PTPRG: variants seen among roughly 807,000 people sequenced by gnomAD.
PTPRG encodes the protein receptor-type tyrosine-protein phosphatase gamma.
In PTPRG, 102 loss-of-function variants were observed where a neutral mutation model predicts 165.3. That is an observed-to-expected ratio of 0.62 (90% CI 0.53 to 0.73). The LOEUF (loss-of-function observed/expected upper bound fraction) is 0.73. Ranked by LOEUF, PTPRG falls within the 30% of genes least tolerant of loss-of-function variation. The pLI is 0.00. For missense variants in PTPRG, 1,866 were observed against 1,861.4 expected (o/e 1.00, Z -0.05); for synonymous variants, 675 against 669.5 (o/e 1.01, Z -0.13).
Position 61,758,012 on chromosome 3 carries a change from T to C in PTPRG, c.190+9030T>C, listed in dbSNP as rs561719099. 4.5e-4 allele frequency among the ~76,000 whole-genome samples: 69 copies of C among 152,294 alleles called. 1 individual carries two copies. Among genetic ancestry groups the C allele is most frequent in the East Asian group, 2.9e-3 (15 of 5,184 alleles). On this transcript the variant is annotated intron_variant, in intron 2 of 29. Transcript: ENST00000474889. ...TTTCCTTTCTAACCTAACAAAACGT[T>C]CTCTTTCATTACATCTGATTTGATT...
intron 1 of PTPRG, among the ~76,000 whole-genome samples, chr3:61,626,478 T>C (rs949430940): frequency 1.4e-4 from 21 of 152,314 alleles, no homozygotes; most frequent in Non-Finnish European, 2.2e-4. Flanking sequence ...GTAGGTGACT[T>C]GAATGTTGTC....
At chr3:62,291,366 G>A (rs1309594639) in intron 28 of PTPRG, among the ~76,000 whole-genome samples, 1 of 152,046 alleles carries the variant, frequency 6.6e-6, no homozygotes, top group African/African-American at 2.4e-5. Flanking sequence ...ATGCTAAAGT[G>A]CACAAATTCA....
At chr3:61,791,610 C>CGAGG (rs2034874818) in intron 2 of PTPRG, among the ~76,000 whole-genome samples, 1 of 152,154 alleles carries the variant, frequency 6.6e-6, no homozygotes, top group Non-Finnish European at 1.5e-5. Flanking sequence ...GCCTCAGCCT[C>CGAGG]CTGAGTAGCT....
chr3:62,283,140 C>A (rs1057413494), intron 28 of PTPRG, among the ~76,000 whole-genome samples: 47 of 152,012 alleles, frequency 3.1e-4, no homozygotes. Context: ...GGTAGATCTG[C>A]ATGCATTTAG....
At chr3:62,044,425 G>C (rs1434563512) in intron 4 of PTPRG, among the ~76,000 whole-genome samples, 1 of 152,164 alleles carries the variant, frequency 6.6e-6, no homozygotes, top group East Asian at 1.9e-4. Flanking sequence ...TGTAGTCCCA[G>C]CTACTCAGGA....
chr3:61,640,512 T>TC (rs1702033605), intron 1 of PTPRG, among the ~76,000 whole-genome samples: 1 of 152,090 alleles, frequency 6.6e-6, no homozygotes, highest in African/African-American at 2.4e-5. Context: ...CCATATTTAA[T>TC]CCCCGTAAGA....
chr3:61,961,995 A>G (rs1037857053), intron 2 of PTPRG, among the ~76,000 whole-genome samples: 6 of 152,054 alleles, frequency 3.9e-5, no homozygotes, highest in Non-Finnish European at 8.8e-5. Flanking sequence ...AGCTCCCTAC[A>G]CTGAGTTAAA....
Position 61,573,390 on chromosome 3 carries a change from A to C in PTPRG, c.85+11018A>C, listed in dbSNP as rs554345745. ...ATATTGCTGCCCTCCTAATTTTTGC[A>C]CATGGATTTCCAATAAATGATAGAA... is the stretch of plus-strand genomic sequence containing the variant. On this transcript the variant is annotated intron_variant, in intron 1 of 29. Coordinates refer to ENST00000474889, the MANE Select transcript of PTPRG (RefSeq NM_002841.4). Among the ~76,000 whole-genome samples the C allele has an allele frequency of 6.0e-4, 91 of 152,302 alleles. 1 individual carries two copies. The highest frequency in any genetic ancestry group is 2.1e-3 in the African/African-American group (87 of 41,572).
At position 62,195,001 on chromosome 3, in the gene PTPRG, A is replaced by G; in HGVS notation, c.1219-61A>G. On this transcript the variant is annotated intron_variant, in intron 9 of 29. Coordinates refer to ENST00000474889, the MANE Select transcript of PTPRG (RefSeq NM_002841.4). The surrounding 1 kb of genome is among the most constrained non-coding windows in gnomAD (Gnocchi z 4.4). ...TCACGGCACTCAGGTTTGGCTTTAG[A>G]ATGCAAAGTGTGCCTTGGCCTTCAA... 2 of 1,518,554 alleles carry G rather than the reference A, an allele frequency of 1.3e-6. No individual in the cohort carries two copies. The highest frequency in any genetic ancestry group is 1.8e-6 in the Non-Finnish European group (2 of 1,094,082). The allele number at this position is 1,518,554 out of a possible 1,614,324, so 94.1% of individuals were successfully genotyped here.
intron 1 of PTPRG, among the ~76,000 whole-genome samples, chr3:61,599,102 G>A (rs965864113): frequency 6.6e-6 from 1 of 152,182 alleles, no homozygotes; most frequent in African/African-American, 2.4e-5. Context: ...CCTCAGTCAA[G>A]CAACCTACAG....
intron 2 of PTPRG, among the ~76,000 whole-genome samples, chr3:61,904,243 C>T (rs979168982): frequency 6.6e-6 from 1 of 152,164 alleles, no homozygotes; most frequent in African/African-American, 2.4e-5. Context: ...CTGGGCCCTG[C>T]TGTGATTGTA....
At chr3:61,792,085 G>A (rs1433668741) in intron 2 of PTPRG, among the ~76,000 whole-genome samples, 1 of 152,090 alleles carries the variant, frequency 6.6e-6, no homozygotes, top group African/African-American at 2.4e-5. Context: ...CAGAGTGTAG[G>A]AGTTTTTAGG....
intron 1 of PTPRG, among the ~76,000 whole-genome samples, chr3:61,647,419 A>G (rs1575561455): frequency 6.6e-6 from 1 of 152,222 alleles, no homozygotes; most frequent in African/African-American, 2.4e-5. Flanking sequence ...TCTCTAAAGA[A>G]GGAAACTGAG....
At chr3:61,772,696 G>A (rs564672843) in intron 2 of PTPRG, among the ~76,000 whole-genome samples, 2 of 152,290 alleles carry the variant, frequency 1.3e-5, no homozygotes, top group South Asian at 4.1e-4. Flanking sequence ...GTTCTGCAGT[G>A]TAGATAGACC....
At chr3:61,633,916 G>A (rs1270134210) in intron 1 of PTPRG, among the ~76,000 whole-genome samples, 1 of 147,880 alleles carries the variant, frequency 6.8e-6, no homozygotes, top group East Asian at 2.0e-4. Context: ...TTTTGGTGTT[G>A]CTGTTTTGTT....
intron 2 of PTPRG, among the ~76,000 whole-genome samples, chr3:61,775,358 A>G (rs1428229458): frequency 6.6e-6 from 1 of 152,146 alleles, no homozygotes; most frequent in Non-Finnish European, 1.5e-5. Context: ...GGCATGAGGC[A>G]CTGCACCAGG....
At chr3:61,604,354 C>T (rs1700943611) in intron 1 of PTPRG, among the ~76,000 whole-genome samples, 1 of 152,012 alleles carries the variant, frequency 6.6e-6, no homozygotes, top group Non-Finnish European at 1.5e-5. Flanking sequence ...AGAACTTTAA[C>T]ATATCTTGTT....
intron 26 of PTPRG, among the ~76,000 whole-genome samples, chr3:62,280,960 T>A (rs931319731): frequency 6.6e-6 from 1 of 152,018 alleles, no homozygotes; most frequent in Non-Finnish European, 1.5e-5. Flanking sequence ...GGTAATAAAA[T>A]TGCACTGTAT....
chr3:61,675,565 T>C (rs1703192326), intron 1 of PTPRG, among the ~76,000 whole-genome samples: 1 of 152,218 alleles, frequency 6.6e-6, no homozygotes, highest in Admixed American at 6.5e-5. Flanking sequence ...CTATTATGTA[T>C]GTACTTTTGG....
Sources: gnomAD v4.1 joint callset for allele counts (sites outside exome capture counted in the v4.1 genomes callset) on GRCh38, gnomAD v4.1.1 for gene constraint, Gnocchi (gnomAD v3.1) non-coding constraint, MANE v1.5 for transcripts, NCBI Gene and HGNC (gene_info 2026-07-23, HGNC 2026-07-21) for gene names.